Variants in EYS observed in about 807,000 individuals in gnomAD.
EYS encodes EGF-like photoreceptor maintenance factor.
In EYS, 250 loss-of-function variants were observed where a neutral mutation model predicts 282.1. That is an observed-to-expected ratio of 0.89 (90% confidence interval 0.80 to 0.98). The LOEUF (loss-of-function observed/expected upper bound fraction) is 0.98. Ranked by LOEUF, EYS falls within the 50% of genes least tolerant of loss-of-function variation. The probability of loss-of-function intolerance (pLI) is 0.00; values close to 1 mark genes in which losing one functional copy is unlikely to be tolerated. For missense variants in EYS, 4,016 were observed against 3,709.0 expected (o/e 1.08, Z -2.15); for synonymous variants, 1,355 against 1,282.9 (o/e 1.06, Z -1.20).
intron 28 of EYS, among the ~76,000 whole-genome samples, chr6:64,397,169 T>C (rs898699478): frequency 2.0e-5 from 3 of 152,098 alleles, no homozygotes; most frequent in Non-Finnish European, 2.9e-5. Flanking sequence ...TTTGGGTGTA[T>C]TCTTGGAGTA....
chr6:64,550,887 A>G (rs1447506558), intron 26 of EYS, among the ~76,000 whole-genome samples: 3 of 152,164 alleles, frequency 2.0e-5, no homozygotes, highest in Admixed American at 6.5e-5. Context: ...TAAAATACCT[A>G]GGAATCCAAC....
At chr6:64,442,931 G>A (rs1201100288) in intron 26 of EYS, among the ~76,000 whole-genome samples, 1 of 139,260 alleles carries the variant, frequency 7.2e-6, no homozygotes. Context: ...CTGACACAGA[G>A]TCCCTACTGG....
At chr6:65,283,522 T>C (rs377215348) in intron 12 of EYS, among the ~76,000 whole-genome samples, 1 of 152,068 alleles carries the variant, frequency 6.6e-6, no homozygotes, top group Non-Finnish European at 1.5e-5. Flanking sequence ...TAAAATATTC[T>C]AAATTCCTTT....
intron 31 of EYS, among the ~76,000 whole-genome samples, chr6:64,132,331 A>G (rs1264513330): frequency 6.6e-6 from 1 of 151,902 alleles, no homozygotes; most frequent in African/African-American, 2.4e-5. Flanking sequence ...AAGGGACAGC[A>G]GTTGAATTAT....
rs764053687 is a variant in EYS at position 64,062,605 on chromosome 6, C to T, written c.6725+3733G>A. On this transcript the variant is annotated intron_variant, in intron 33 of 42. Transcript: ENST00000503581. ...TGCTTGGAGGCTGAGGCCGGAAAAT[C>T]GCTTGAACCCTGGAGGTGGAGGTTG... Among the ~76,000 whole-genome samples the T allele has an allele frequency of 6.0e-5, 9 of 150,918 alleles. No individual in the cohort carries two copies. The South Asian group carries it at 6.3e-4, about 11-fold the overall frequency.
chr6:64,951,483 TAA>T (rs1769507777), intron 14 of EYS, among the ~76,000 whole-genome samples: 1 of 151,960 alleles, frequency 6.6e-6, no homozygotes, highest in African/African-American at 2.4e-5. Flanking sequence ...TGCCATTCAA[TAA>T]AAAAGTTTCT....
intron 35 of EYS, among the ~76,000 whole-genome samples, chr6:63,917,474 A>C (rs114634260): frequency 0.014 from 2,153 of 152,356 alleles, 47 homozygotes; most frequent in African/African-American, 0.048. Context: ...AAGACATAGC[A>C]ACAGGATAAG....
At chr6:64,821,783 G>A (rs779979091) in intron 20 of EYS, 60 bp from the exon 21 acceptor site, 4 of 1,008,728 alleles carry the variant, frequency 4.0e-6, no homozygotes, top group Non-Finnish European at 5.9e-6. Flanking sequence ...ATAACTTCAA[G>A]GGAGTTTCAC....
At chr6:65,285,751 T>C (rs1464820392) in intron 12 of EYS, among the ~76,000 whole-genome samples, 3 of 151,988 alleles carry the variant, frequency 2.0e-5, no homozygotes, top group Non-Finnish European at 4.4e-5. Flanking sequence ...GAAATATTAC[T>C]GTCATATCAC....
At chr6:64,319,986 T>C (rs1335583013) in intron 29 of EYS, among the ~76,000 whole-genome samples, 2 of 152,000 alleles carry the variant, frequency 1.3e-5, no homozygotes, top group African/African-American at 4.8e-5. Flanking sequence ...AATATAGTTC[T>C]AATTAAAGCA....
chr6:64,052,817 A>G (rs1770855094), intron 33 of EYS, among the ~76,000 whole-genome samples: 1 of 152,076 alleles, frequency 6.6e-6, no homozygotes, highest in Non-Finnish European at 1.5e-5. Flanking sequence ...ACTTGCACTC[A>G]TTCTCTCTTC....
At chr6:64,680,332 C>A (rs184305021) in intron 22 of EYS, among the ~76,000 whole-genome samples, 497 of 152,234 alleles carry the variant, frequency 3.3e-3, no homozygotes, top group Non-Finnish European at 4.6e-3. Context: ...ACAAAATGAT[C>A]ATTTTATGTT....
chr6:63,850,070 G>A (rs867625204), intron 36 of EYS, among the ~76,000 whole-genome samples: 10 of 152,128 alleles, frequency 6.6e-5, no homozygotes, highest in South Asian at 2.1e-4. Context: ...TGGAAGAAAG[G>A]ATATCAGAGA....
chr6:65,447,324 A>ATG lies in EYS; in HGVS notation c.863-41959_863-41958dup, dbSNP rs67586165. 2.0e-4 allele frequency among the ~76,000 whole-genome samples: 25 copies of ATG among 122,904 alleles called. No individual in the cohort carries two copies. The South Asian group carries it at 2.4e-3, about 12-fold the overall frequency. The allele number at this position is 122,904 out of a possible 152,430, so 80.6% of individuals were successfully genotyped here. A position where few individuals can be genotyped will look rare whatever the true frequency, so the allele number is the denominator to read the frequency against. On this transcript the variant is annotated intron_variant, in intron 5 of 42. Transcript: ENST00000503581. ...TCTCTCTCTGTGTGTGTGTATATAT[A>ATG]TGTGTGTGTATATATATATATAAAT...
At chr6:64,120,743 T>G (rs1773559122) in intron 31 of EYS, among the ~76,000 whole-genome samples, 1 of 152,168 alleles carries the variant, frequency 6.6e-6, no homozygotes, top group South Asian at 2.1e-4. Flanking sequence ...ATTATTATAT[T>G]TAGTTATATA....
rs576807182 is a variant in EYS, at chr6:65,005,971, C to T, written c.2138-8268G>A. On this transcript the variant is annotated intron_variant, in intron 13 of 42. Transcript: ENST00000503581. Reference sequence around the variant, plus strand: ...ATCTACTTCCTCTGATCCCTGCCTCCTAGGTACTAATGGTTCAGACTTTCA... The same window carrying T: ...ATCTACTTCCTCTGATCCCTGCCTCTTAGGTACTAATGGTTCAGACTTTCA... Among the ~76,000 whole-genome samples, 23 of 152,254 alleles carry T rather than the reference C, an allele frequency of 1.5e-4. No homozygotes were observed. The South Asian group carries it at 1.9e-3, about 12-fold the overall frequency.
chr6:64,833,471 C>G (rs190979906), intron 19 of EYS, among the ~76,000 whole-genome samples: 2 of 151,958 alleles, frequency 1.3e-5, no homozygotes, highest in African/African-American at 4.8e-5. Context: ...CCCTTCTTAG[C>G]AGCCCCAACA....
At position 65,005,852 on chromosome 6, in the gene EYS, G is replaced by C. The variant is rs1290842997; in HGVS notation, c.2138-8149C>G. ...AAGTCTCTACCCAGCAGTCGCCCAT[G>C]CGTGCACCCCTACCTTTCCTTCTGA... On this transcript the variant is annotated intron_variant, in intron 13 of 42. Transcript: ENST00000503581. Among the ~76,000 whole-genome samples the C allele has an allele frequency of 2.0e-5, 3 of 152,220 alleles. No individual in the cohort carries two copies. The East Asian group carries it at 5.8e-4, about 29-fold the overall frequency.
chr6:64,643,119 C>CCG (rs1554188073), intron 22 of EYS, among the ~76,000 whole-genome samples: 3 of 117,418 alleles, frequency 2.6e-5, no homozygotes, highest in Non-Finnish European at 5.4e-5. Context: ...CCATCCCCCC[C>CCG]CCCAAAAAAA....
Sources: allele counts gnomAD v4.1 joint callset (sites outside exome capture counted in the v4.1 genomes callset), GRCh38; gene constraint gnomAD v4.1.1; transcripts MANE v1.5; gene names NCBI Gene and HGNC (gene_info 2026-07-23, HGNC 2026-07-21).